The following COL25A1 variants were observed in gnomAD, a reference collection of about 807,000 sequenced individuals.
COL25A1 encodes the protein collagen alpha-1(XXV) chain.
COL25A1 carries 103 observed loss-of-function variants against 128.4 expected under a neutral mutation model. The ratio of observed to expected loss-of-function variants is 0.80; its 90% CI spans 0.68 to 0.94. The LOEUF is 0.94. Ranked by LOEUF, COL25A1 falls within the 40% of genes least tolerant of loss-of-function variation. The probability of loss-of-function intolerance (pLI) is 0.00; values close to 1 mark genes in which losing one functional copy is unlikely to be tolerated. For missense variants in COL25A1, 745 were observed against 840.0 expected (o/e 0.89, Z 1.40); for synonymous variants, 279 against 277.2 (o/e 1.01, Z -0.06).
intron 8 of COL25A1, among the ~76,000 whole-genome samples, chr4:108,957,562 A>G (rs1276884689): frequency 1.3e-5 from 2 of 152,368 alleles, no homozygotes; most frequent in East Asian, 1.9e-4. Context: ...GTTGATTCAA[A>G]AGAAGGAACA....
intron 5 of COL25A1, among the ~76,000 whole-genome samples, chr4:109,013,678 G>A (rs937469401): frequency 1.1e-4 from 16 of 151,542 alleles, no homozygotes; most frequent in Non-Finnish European, 1.9e-4. Flanking sequence ...AACTCCAGAC[G>A]CGCCACCTTA....
chr4:108,876,678 C>G (rs1739497504), intron 19 of COL25A1, among the ~76,000 whole-genome samples: 1 of 152,184 alleles, frequency 6.6e-6, no homozygotes, highest in Admixed American at 6.5e-5. Context: ...TTCTGTTCCC[C>G]AAGCCACATG....
At chr4:109,252,058 T>C (rs539617357) in intron 3 of COL25A1, among the ~76,000 whole-genome samples, 42 of 152,270 alleles carry the variant, frequency 2.8e-4, no homozygotes, top group Admixed American at 1.1e-3. Flanking sequence ...ATAAAGTGAG[T>C]TCTGATCAGA....
intron 37 of COL25A1, 87 bp downstream of exon 37, chr4:108,817,310 C>A: frequency 8.3e-7 from 1 of 1,203,098 alleles, no homozygotes; most frequent in Non-Finnish European, 1.2e-6. Context: ...TTTTAATATC[C>A]GAAGGTCTTT....
intron 6 of COL25A1, among the ~76,000 whole-genome samples, chr4:109,001,893 C>CT (rs5860958): frequency 0.8 from 120,905 of 151,928 alleles, 49,276 homozygotes; most frequent in East Asian, 1. Context: ...ATTAAAAGTA[C>CT]TATCACAAGA....
intron 3 of COL25A1, among the ~76,000 whole-genome samples, chr4:109,124,001 A>C (rs991271944): frequency 2.6e-5 from 4 of 152,126 alleles, no homozygotes; most frequent in Non-Finnish European, 5.9e-5. Context: ...TTCACTAATG[A>C]CTTTACATTA....
At chr4:108,825,141 G>T in intron 34 of COL25A1, 55 bp downstream of exon 34, 1 of 1,371,860 alleles carries the variant, frequency 7.3e-7, no homozygotes, top group Non-Finnish European at 1.0e-6. Flanking sequence ...TATCGATGAT[G>T]GAGACCATCA....
chr4:108,950,546 C>A (rs13353783), intron 8 of COL25A1, among the ~76,000 whole-genome samples: 6,614 of 152,254 alleles, frequency 0.043, 367 homozygotes, highest in African/African-American at 0.13. Flanking sequence ...GCTGGAAAAA[C>A]CCAGAAAATA....
chr4:108,834,931 G>T (rs1360064581), intron 31 of COL25A1, among the ~76,000 whole-genome samples: 1 of 152,122 alleles, frequency 6.6e-6, no homozygotes, highest in African/African-American at 2.4e-5. Context: ...GATTTTACAT[G>T]AACAATAATT....
In COL25A1 at chr4:108,918,184, C is replaced by T; in HGVS notation, c.768G>A (p.Met256Ile). Residue 256 changes from methionine (M) to isoleucine (I), a missense_variant, in exon 13 of 38, where the codon ATG (methionine) becomes ATA (isoleucine). Coordinates refer to ENST00000399132, the MANE Select transcript of COL25A1 (RefSeq NM_198721.4). ...GSIGAPGIPG[M>I]NGQKGEPGLP... ...CTATAGAACTCACCTTTTGCCCATT[C>T]ATCCCTGGAATTCCAGGTGCTCCAA... 3 of 1,597,892 alleles carry T rather than the reference C, an allele frequency of 1.9e-6. No homozygotes were observed. The highest frequency in any genetic ancestry group is 2.6e-6 in the Non-Finnish European group (3 of 1,170,086).
intron 3 of COL25A1, among the ~76,000 whole-genome samples, chr4:109,126,149 C>T (rs1464321383): frequency 6.6e-6 from 1 of 151,794 alleles, no homozygotes; most frequent in Non-Finnish European, 1.5e-5. Flanking sequence ...TTTTTTAAAT[C>T]CCCAATGTTT....
At chr4:108,916,936 C>T (rs1578759390) in intron 13 of COL25A1, among the ~76,000 whole-genome samples, 2 of 152,148 alleles carry the variant, frequency 1.3e-5, no homozygotes, top group East Asian at 3.8e-4. Flanking sequence ...CTTCTGGGAA[C>T]ACAGAGCCTC....
intron 5 of COL25A1, among the ~76,000 whole-genome samples, chr4:109,020,110 A>G (rs2125899026): frequency 6.6e-6 from 1 of 152,344 alleles, no homozygotes; most frequent in East Asian, 1.9e-4. Context: ...AATTGAAAAC[A>G]TAAAGCATTA....
At chr4:109,221,483 C>A (rs1481317764) in intron 3 of COL25A1, among the ~76,000 whole-genome samples, 3 of 152,206 alleles carry the variant, frequency 2.0e-5, no homozygotes. Context: ...AGAAACACAT[C>A]TGAACCTAGC....
At chr4:109,215,068 G>A (rs1371272379) in intron 3 of COL25A1, among the ~76,000 whole-genome samples, 2 of 152,062 alleles carry the variant, frequency 1.3e-5, no homozygotes, top group Admixed American at 6.6e-5. Context: ...TGTACACTAA[G>A]GAATTTTCTA....
At chr4:109,237,696 C>T (rs533163052) in intron 3 of COL25A1, among the ~76,000 whole-genome samples, 1 of 150,502 alleles carries the variant, frequency 6.6e-6, no homozygotes, top group Admixed American at 6.7e-5. Context: ...TACCTTTTAA[C>T]ATTTTTAATT....
At chr4:108,918,107 G>C (rs1466386660) in intron 13 of COL25A1, 65 bp downstream of exon 13, 1 of 992,494 alleles carries the variant, frequency 1.0e-6, no homozygotes, top group African/African-American at 1.6e-5. Context: ...TTATGGACTA[G>C]AATAATTTTG....
chr4:109,218,364 T>TG lies in COL25A1; in HGVS notation c.367+82218_367+82219insC, dbSNP rs1560887173. ...AATTGCTGGTTTTTTGGGGTTTTTT[T>TG]TTTTTTTTTTTTTTTTTTGCTTTTG... On this transcript the variant is annotated intron_variant, in intron 3 of 37. Transcript: ENST00000399132. Among the ~76,000 whole-genome samples the TG allele has an allele frequency of 7.4e-3, 968 of 130,190 alleles. 20 individuals carry two copies. The highest frequency in any genetic ancestry group is 0.019 in the African/African-American group (561 of 29,642). The allele number at this position is 130,190 out of a possible 152,430, so 85.4% of individuals were successfully genotyped here.
intron 5 of COL25A1, among the ~76,000 whole-genome samples, chr4:109,032,616 G>A (rs711865): frequency 0.48 from 73,765 of 152,124 alleles, 19,428 homozygotes; most frequent in African/African-American, 0.67. Flanking sequence ...ATAACATTAT[G>A]CAATTAGCGA....
Sources: gnomAD v4.1 joint callset for allele counts (sites outside exome capture counted in the v4.1 genomes callset) on GRCh38, gnomAD v4.1.1 for gene constraint, MANE v1.5 for transcripts, NCBI Gene and HGNC (gene_info 2026-07-23, HGNC 2026-07-21) for gene names.